SYN1: variants seen among roughly 807,000 people sequenced by gnomAD.
SYN1 encodes the protein synapsin I.
Under a neutral mutation model 44.6 loss-of-function variants are expected in SYN1, and 8 were observed. The ratio of observed to expected loss-of-function variants is 0.18; its 90% CI spans 0.11 to 0.32. The LOEUF is 0.32. Ranked by LOEUF, SYN1 falls within the 10% of genes least tolerant of loss-of-function variation. SYN1 has a pLI of 1.00. For missense variants in SYN1, 451 were observed against 639.4 expected (o/e 0.71, Z 3.18); for synonymous variants, 275 against 280.1 (o/e 0.98, Z 0.18).
At chrX:47,580,800 G>C (rs1297716520) in intron 5 of SYN1, among the ~76,000 whole-genome samples, 3 of 109,768 alleles carry the variant, frequency 2.7e-5, no homozygotes, top group Admixed American at 1.9e-4. Flanking sequence ...GGGGGTGGTG[G>C]TGGTGTGGCT....
intron 5 of SYN1, among the ~76,000 whole-genome samples, chrX:47,597,335 C>CAA (rs759461408): frequency 3.2e-3 from 156 of 48,944 alleles, no homozygotes; most frequent in African/African-American, 9.1e-3. Context: ...AACTCCATCT[C>CAA]AAAAAAAAAA....
At chrX:47,619,183 C>A (rs1166793350) in intron 1 of SYN1, among the ~76,000 whole-genome samples, 169 bp downstream of exon 1, 1 of 110,284 alleles carries the variant, frequency 9.1e-6, no homozygotes, top group African/African-American at 3.3e-5. Flanking sequence ...CGGAGGGGGG[C>A]GACAAGGGCG....
intron 1 of SYN1, among the ~76,000 whole-genome samples, chrX:47,615,823 C>T (rs183412827): frequency 1.5e-4 from 16 of 110,050 alleles, no homozygotes; most frequent in Middle Eastern, 4.7e-3. Flanking sequence ...ACCCAGGAGA[C>T]GGAGGTTGCA....
At chrX:47,610,051 T>C (rs2057912398) in intron 1 of SYN1, among the ~76,000 whole-genome samples, 1 of 111,735 alleles carries the variant, frequency 8.9e-6, no homozygotes, top group Non-Finnish European at 1.9e-5. Context: ...AAGAAAGACC[T>C]GACATGCTCA....
intron 5 of SYN1, among the ~76,000 whole-genome samples, chrX:47,600,250 G>C (rs904890056): frequency 5.9e-4 from 65 of 109,598 alleles, no homozygotes; most frequent in African/African-American, 2.1e-3. Context: ...GGAGTGCAGT[G>C]GTGCAATCTC....
chrX:47,597,161 C>A (rs1384361340), intron 5 of SYN1, among the ~76,000 whole-genome samples: 1 of 109,369 alleles, frequency 9.1e-6, no homozygotes, highest in African/African-American at 3.3e-5. Flanking sequence ...CGGTGAAACC[C>A]CCCTCTCAAC....
intron 5 of SYN1, among the ~76,000 whole-genome samples, chrX:47,588,271 C>T (rs764366079): frequency 1.7e-4 from 19 of 112,905 alleles, no homozygotes; most frequent in South Asian, 3.6e-4. Context: ...GGTAAGGGCC[C>T]GAGCCCTGGT....
rs1343712373 is a variant in SYN1 at position 47,619,793 on chromosome X, C to T, written c.-65G>A. On this transcript the variant is annotated 5_prime_UTR_variant, in exon 1 of 13. Coordinates refer to ENST00000295987, the MANE Select transcript of SYN1 (RefSeq NM_006950.3). Reference sequence around the variant, plus strand: ...CCAGGAGCCGCGGGGGCGGACTGCGCGGTGCCCAGGAGCACAGCTGCGCTC... The same window carrying T: ...CCAGGAGCCGCGGGGGCGGACTGCGTGGTGCCCAGGAGCACAGCTGCGCTC... 3 of 1,093,573 alleles carry T rather than the reference C, an allele frequency of 2.7e-6. No homozygotes were observed. The highest frequency in any genetic ancestry group is 5.3e-5 in the Admixed American group (2 of 38,012). The allele number at this position is 1,093,573 out of a possible 1,213,427, so 90.1% of individuals were successfully genotyped here. A position where few individuals can be genotyped will look rare whatever the true frequency, so the allele number is the denominator to read the frequency against.
chrX:47,582,104 T>G (rs1035187373), intron 5 of SYN1, among the ~76,000 whole-genome samples: 4 of 111,937 alleles, frequency 3.6e-5, no homozygotes, highest in African/African-American at 1.3e-4. Flanking sequence ...GCTTGGGGGA[T>G]GTGGGTGATT....
intron 5 of SYN1, among the ~76,000 whole-genome samples, chrX:47,594,839 T>C (rs1320224218): frequency 9.1e-6 from 1 of 110,256 alleles, no homozygotes; most frequent in African/African-American, 3.3e-5. Flanking sequence ...GCAATTCTCC[T>C]GCCTCAGCCG....
intron 5 of SYN1, among the ~76,000 whole-genome samples, chrX:47,600,528 C>T (rs1196534033): frequency 1.8e-5 from 2 of 111,708 alleles, no homozygotes; most frequent in Non-Finnish European, 3.8e-5. Flanking sequence ...ATGCTATAAA[C>T]CAATTAGACC....
At position 47,619,626 on chromosome X, in the gene SYN1, G is replaced by C. The variant is rs1273619845; in HGVS notation, c.103C>G (p.Pro35Ala). 1 of 1,160,608 alleles carries C rather than the reference G, an allele frequency of 8.6e-7. No homozygotes were observed. The highest frequency in any genetic ancestry group is 1.2e-6 in the Non-Finnish European group (1 of 869,214). Residue 35 changes from proline (P) to alanine (A), a missense_variant, in exon 1 of 13, where the codon CCC becomes GCC. Pro to Ala is a conservative substitution (Grantham distance 27, BLOSUM62 -1). This residue lies in a region of SYN1 where 315 missense variants were observed against 451.4 expected (regional missense o/e 0.70). Coordinates refer to ENST00000295987, the MANE Select transcript of SYN1 (RefSeq NM_006950.3). The stretch of plus-strand genomic sequence containing the variant: ...GTGGCTCCGGGGCTGTGGGCACCGG[G>C]CGGCGGTGGGGGCGGCTGCGGACGC... ...LQRPQPPPPP[P>A]GAHSPGATPG...
rs1189162221 is a variant in SYN1, at chrX:47,603,972, A to G, written c.774+1006T>C. 1.5e-4 allele frequency among the ~76,000 whole-genome samples: 15 copies of G among 99,453 alleles called. No homozygotes were observed. In the Admixed American group the frequency reaches 1.8e-3, roughly 12 times the overall value. The allele number at this position is 99,453 out of a possible 115,157, so 86.4% of individuals were successfully genotyped here. A position where few individuals can be genotyped will look rare whatever the true frequency, so the allele number is the denominator to read the frequency against. ...GCCCAAGCTGGAGTGTAATAGCGTG[A>G]TCTTGGCTCACCACAACCTCCGCCT... is the stretch of plus-strand genomic sequence containing the variant. On this transcript the variant is annotated intron_variant, in intron 5 of 12. Transcript: ENST00000295987.
intron 5 of SYN1, among the ~76,000 whole-genome samples, chrX:47,597,427 G>A (rs1186177275): frequency 9.1e-6 from 1 of 110,389 alleles, no homozygotes; most frequent in African/African-American, 3.3e-5. Flanking sequence ...GCTTTGAGCT[G>A]GCAGGGTAAA....
At chrX:47,586,878 C>A (rs2057829568) in intron 5 of SYN1, 2 of 499,536 alleles carry the variant, frequency 4.0e-6, no homozygotes, top group Admixed American at 8.6e-5. Flanking sequence ...ATGAGGGATG[C>A]CAAATGTTGG....
At chrX:47,594,105 G>A (rs2057856491) in intron 5 of SYN1, among the ~76,000 whole-genome samples, 1 of 110,128 alleles carries the variant, frequency 9.1e-6, no homozygotes, top group South Asian at 3.9e-4. Context: ...ATGGTGGCAC[G>A]CACCTGTGGC....
chrX:47,596,011 G>T (rs2057862623), intron 5 of SYN1, among the ~76,000 whole-genome samples: 1 of 112,363 alleles, frequency 8.9e-6, no homozygotes, highest in African/African-American at 3.2e-5. Context: ...AACTTCTCTT[G>T]TACACATCCC....
intron 5 of SYN1, among the ~76,000 whole-genome samples, chrX:47,600,128 C>A (rs1366888710): frequency 9.1e-6 from 1 of 110,358 alleles, no homozygotes; most frequent in Non-Finnish European, 1.9e-5. Context: ...GACAATTCAA[C>A]AATTATAGCT....
At chrX:47,605,948 G>T (rs73496261) in intron 3 of SYN1, among the ~76,000 whole-genome samples, 1 of 108,160 alleles carries the variant, frequency 9.2e-6, no homozygotes, top group Non-Finnish European at 1.9e-5. Context: ...TTGTCCAGGC[G>T]CTGGAGCAAT....
Sources: gnomAD v4.1 joint callset for allele counts (sites outside exome capture counted in the v4.1 genomes callset) on GRCh38, gnomAD v4.1.1 for gene constraint, gnomAD v4.1.1 regional missense constraint, MANE v1.5 for transcripts, NCBI Gene and HGNC (gene_info 2026-07-23, HGNC 2026-07-21) for gene names.